Variants in KIAA0825 observed in about 807,000 individuals in gnomAD.
KIAA0825 encodes the protein KIAA0825.
Under a neutral mutation model 147.6 loss-of-function variants are expected in KIAA0825, and 119 were observed. The observed-to-expected ratio is 0.81, with a 90% confidence interval of 0.69 to 0.94. KIAA0825 has a LOEUF of 0.94. Among genes scored for constraint, KIAA0825 ranks in the 40% least tolerant of loss-of-function variants. KIAA0825 has a pLI of 0.00. For missense variants in KIAA0825, 1,381 were observed against 1,472.7 expected, an observed-to-expected ratio of 0.94 and a Z score of 1.02; for synonymous variants, 470 against 518.1, an observed-to-expected ratio of 0.91 and a Z score of 1.26.
chr5:94,580,169 A>G (rs1781815952), intron 2 of KIAA0825, among the ~76,000 whole-genome samples: 1 of 152,202 alleles, frequency 6.6e-6, no homozygotes, highest in Admixed American at 6.5e-5. Context: ...AATGGAGTAC[A>G]TTAGAAAAGA....
chr5:94,219,131 A>T (rs754356219), intron 20 of KIAA0825, among the ~76,000 whole-genome samples: 2 of 152,158 alleles, frequency 1.3e-5, no homozygotes, highest in Non-Finnish European at 2.9e-5. Context: ...AGCGCATTAC[A>T]TTTATTGGCA....
intron 3 of KIAA0825, among the ~76,000 whole-genome samples, chr5:94,527,771 G>A (rs568945731): frequency 9.3e-4 from 142 of 152,020 alleles, no homozygotes; most frequent in African/African-American, 3.3e-3. Flanking sequence ...AAATCATTGT[G>A]AGGTAATAGA....
Position 94,294,354 on chromosome 5 carries a change from T to G in KIAA0825, c.3710+90014A>C, listed in dbSNP as rs900458133. ...GACAAAATCCCTCAGCATTTACTTG[T>G]CTGTAAAGGATTTTATTTCTCCTTC... On this transcript the variant is annotated intron_variant, in intron 20 of 20. Coordinates refer to ENST00000682413, the MANE Select transcript of KIAA0825 (RefSeq NM_001145678.3). 9.2e-5 allele frequency among the ~76,000 whole-genome samples: 14 copies of G among 152,240 alleles called. 1 individual carries two copies. Among genetic ancestry groups the G allele is most frequent in the Non-Finnish European group, 1.5e-5 (1 of 68,036 alleles).
intron 20 of KIAA0825, among the ~76,000 whole-genome samples, chr5:94,164,831 C>CA (rs1412465849): frequency 4.6e-5 from 7 of 151,986 alleles, no homozygotes; most frequent in Non-Finnish European, 7.4e-5. Context: ...ACTAGACCCC[C>CA]ATCTCTCGCC....
intron 20 of KIAA0825, among the ~76,000 whole-genome samples, chr5:94,345,797 G>A (rs956916669): frequency 6.6e-6 from 1 of 151,912 alleles, no homozygotes. Context: ...CGGGAGCTTC[G>A]ACAAGACTCA....
chr5:94,304,420 T>C (rs1044560918), intron 20 of KIAA0825, among the ~76,000 whole-genome samples: 4 of 150,984 alleles, frequency 2.6e-5, no homozygotes, highest in African/African-American at 7.3e-5. Flanking sequence ...TGAGGGGGGG[T>C]GACCCGTATC....
intron 3 of KIAA0825, among the ~76,000 whole-genome samples, chr5:94,531,919 ATAT>A (rs1403761624): frequency 6.6e-6 from 1 of 152,144 alleles, no homozygotes; most frequent in Non-Finnish European, 1.5e-5. Context: ...GCTATAAAAT[ATAT>A]TAATATTTGT....
intron 20 of KIAA0825, among the ~76,000 whole-genome samples, chr5:94,376,434 T>C (rs934657758): frequency 6.6e-6 from 1 of 152,132 alleles, no homozygotes; most frequent in African/African-American, 2.4e-5. Flanking sequence ...AGGAGATTAG[T>C]GTGAAAGTGC....
intron 6 of KIAA0825, 131 bp from the exon 7 acceptor site, chr5:94,477,336 A>C: frequency 3.8e-6 from 2 of 526,968 alleles, no homozygotes; most frequent in Non-Finnish European, 3.4e-6. Flanking sequence ...ATACATATAC[A>C]CATCCACAAA....
At chr5:94,591,610 T>C (rs75004579) in intron 1 of KIAA0825, among the ~76,000 whole-genome samples, 2,261 of 152,278 alleles carry the variant, frequency 0.015, 31 homozygotes, top group Non-Finnish European at 0.022. Flanking sequence ...TTCTATGTAG[T>C]TTTAGATTTT....
intron 20 of KIAA0825, among the ~76,000 whole-genome samples, chr5:94,183,816 C>CTATCCTTTATAA (rs1370802605): frequency 6.6e-6 from 1 of 152,194 alleles, no homozygotes; most frequent in Non-Finnish European, 1.5e-5. Context: ...CTGTGTATTT[C>CTATCCTTTATAA]TATCCTTTAT....
chr5:94,556,101 G>A (rs948883143), intron 2 of KIAA0825, among the ~76,000 whole-genome samples: 2 of 151,156 alleles, frequency 1.3e-5, no homozygotes, highest in Non-Finnish European at 2.9e-5. Flanking sequence ...TGCCCAGGCT[G>A]GAGTGCAGTG....
intron 12 of KIAA0825, among the ~76,000 whole-genome samples, chr5:94,456,799 G>A (rs939687853): frequency 2.6e-5 from 4 of 152,062 alleles, no homozygotes; most frequent in African/African-American, 4.8e-5. Flanking sequence ...GTTAGAAATC[G>A]TCCTTAAAAA....
At chr5:94,243,618 C>A (rs1465870111) in intron 20 of KIAA0825, among the ~76,000 whole-genome samples, 1 of 152,136 alleles carries the variant, frequency 6.6e-6, no homozygotes, top group Non-Finnish European at 1.5e-5. Context: ...TAAATGAATG[C>A]ACAATTCCCT....
intron 6 of KIAA0825, among the ~76,000 whole-genome samples, chr5:94,478,242 C>T (rs994659856): frequency 2.0e-5 from 3 of 151,984 alleles, no homozygotes; most frequent in Admixed American, 6.6e-5. Context: ...GCATAAAGTG[C>T]GTTAAAGGTA....
At chr5:94,602,234 C>T (rs1178285664) in intron 1 of KIAA0825, among the ~76,000 whole-genome samples, 1 of 152,038 alleles carries the variant, frequency 6.6e-6, no homozygotes, top group Non-Finnish European at 1.5e-5. Context: ...ACCTGTAGTC[C>T]CAGCTACTCG....
chr5:94,450,637 C>T (rs1051201350), intron 13 of KIAA0825, among the ~76,000 whole-genome samples: 4 of 151,754 alleles, frequency 2.6e-5, no homozygotes, highest in Admixed American at 6.6e-5. Context: ...ATGGAAAAAC[C>T]CACATGATAT....
At chr5:94,486,420 T>C (rs1763064799) in intron 5 of KIAA0825, among the ~76,000 whole-genome samples, 1 of 152,072 alleles carries the variant, frequency 6.6e-6, no homozygotes, top group Non-Finnish European at 1.5e-5. Flanking sequence ...AGCATCAAAC[T>C]TGTAGTCCTA....
intron 20 of KIAA0825, among the ~76,000 whole-genome samples, chr5:94,343,562 G>C (rs11953212): frequency 6.6e-6 from 1 of 151,876 alleles, no homozygotes; most frequent in Admixed American, 6.6e-5. Context: ...AGTGGCGGGC[G>C]CCTGTAGTCC....
Sources: allele counts gnomAD v4.1 joint callset (sites outside exome capture counted in the v4.1 genomes callset), GRCh38; gene constraint gnomAD v4.1.1; transcripts MANE v1.5; gene names NCBI Gene and HGNC (gene_info 2026-07-23, HGNC 2026-07-21).